CASP8: variants seen among roughly 807,000 people sequenced by gnomAD.
CASP8 encodes caspase-8.
A neutral mutation model predicts 46.3 loss-of-function variants in CASP8; 24 were observed. That is an observed-to-expected ratio of 0.52 (90% CI 0.38 to 0.73). The LOEUF (loss-of-function observed/expected upper bound fraction) is 0.73, where lower values mean the gene tolerates loss of function less well. Ranked by LOEUF, CASP8 falls within the 30% of genes least tolerant of loss-of-function variation. The pLI, the probability that CASP8 is intolerant of heterozygous loss-of-function variation, is 0.00. For missense variants in CASP8, 460 were observed against 559.0 expected (o/e 0.82, Z 1.79); for synonymous variants, 188 against 200.4 (o/e 0.94, Z 0.52).
At chr2:201,249,967 A>C (rs1010518648) in intron 2 of CASP8, among the ~76,000 whole-genome samples, 1 of 152,224 alleles carries the variant, frequency 6.6e-6, no homozygotes, top group Non-Finnish European at 1.5e-5. Context: ...AAAGTGCATA[A>C]ACATATTTAA....
chr2:201,251,860 T>A (rs7589037), intron 2 of CASP8, among the ~76,000 whole-genome samples: 1 of 151,506 alleles, frequency 6.6e-6, no homozygotes, highest in African/African-American at 2.4e-5. Flanking sequence ...AAGATCACAC[T>A]TGCCGTTGCA....
At chr2:201,256,802 C>G (rs1443771916), upstream of CASP8, among the ~76,000 whole-genome samples, 4 of 152,132 alleles carry the variant, frequency 2.6e-5, no homozygotes, top group African/African-American at 9.7e-5. Context: ...TGCTGGTGTT[C>G]TGGTTATAAA....
At chr2:201,263,080 A>G (rs930239159) in intron 1 of CASP8, among the ~76,000 whole-genome samples, 8 of 152,190 alleles carry the variant, frequency 5.3e-5, no homozygotes, top group African/African-American at 1.9e-4. Flanking sequence ...TGAGATGGCT[A>G]TGGAGGACGG....
At chr2:201,249,792 C>T (rs1290262716) in intron 2 of CASP8, among the ~76,000 whole-genome samples, 1 of 152,156 alleles carries the variant, frequency 6.6e-6, no homozygotes, top group Non-Finnish European at 1.5e-5. Flanking sequence ...CTACACTTCT[C>T]CCCTCCCCAC....
rs576208049 is a variant in CASP8 at position 201,277,214 on chromosome 2, C to T, written c.802+246C>T. On this transcript the variant is annotated intron_variant, in intron 7 of 8. Transcript: ENST00000673742. ...TAAAATATCAAATCTTACTAAAAGA[C>T]ATAATGAAAAGCAGTAATAAGCTTT... 2.1e-5 allele frequency: 7 copies of T among 331,244 alleles called. No homozygotes were observed. In the East Asian group the frequency reaches 2.5e-4, roughly 12 times the overall value. The allele number at this position is 331,244 out of a possible 1,614,324, so 20.5% of individuals were successfully genotyped here. A position where few individuals can be genotyped will look rare whatever the true frequency, so the allele number is the denominator to read the frequency against.
At chr2:201,264,931 C>T (rs572989153) in intron 1 of CASP8, among the ~76,000 whole-genome samples, 4 of 152,242 alleles carry the variant, frequency 2.6e-5, no homozygotes, top group Non-Finnish European at 4.4e-5. Context: ...AGGGTGACGC[C>T]GGTAGGGCTG....
chr2:201,258,356 C>T (rs766359794), upstream of CASP8: 6 of 1,613,876 alleles, frequency 3.7e-6, no homozygotes, highest in Middle Eastern at 6.6e-4. Flanking sequence ...TCGGAGACTG[C>T]GATGGTGCCA....
Position 201,260,586 on chromosome 2 carries a change from A to T in CASP8, c.-54A>T. The T allele has an allele frequency of 2.0e-6, 2 of 984,346 alleles. No homozygotes were observed. Among genetic ancestry groups the T allele is most frequent in the Non-Finnish European group, 2.4e-6 (2 of 828,962 alleles). 61.0% of individuals were successfully genotyped at this position (984,346 alleles called of 1,614,324 possible). A position where few individuals can be genotyped will look rare whatever the true frequency, so the allele number is the denominator to read the frequency against. On this transcript the variant is annotated 5_prime_UTR_variant, in exon 1 of 9. Coordinates refer to ENST00000673742, the MANE Select transcript of CASP8 (RefSeq NM_001372051.1). The stretch of plus-strand genomic sequence containing the variant: ...TCAGATGGTAGTGGATAGGCCTGTG[A>T]CGAAGGTGCTACCATCGTGAGAGTA...
intron 2 of CASP8, among the ~76,000 whole-genome samples, chr2:201,243,631 C>A (rs928226308): frequency 1.3e-5 from 2 of 152,126 alleles, no homozygotes; most frequent in African/African-American, 2.4e-5. Flanking sequence ...ATGCCCAAAT[C>A]AAAAATCATA....
chr2:201,282,181 A>T (rs1410069331), intron 7 of CASP8, among the ~76,000 whole-genome samples: 7 of 51,462 alleles, frequency 1.4e-4, no homozygotes, highest in Non-Finnish European at 2.2e-4. Flanking sequence ...AACAAAGCAC[A>T]TCTTGCACCG....
At chr2:201,239,805 C>T (rs187438399) in intron 2 of CASP8, among the ~76,000 whole-genome samples, 2 of 152,308 alleles carry the variant, frequency 1.3e-5, no homozygotes, top group African/African-American at 2.4e-5. Flanking sequence ...TCACACTGCA[C>T]CGTAATTATG....
At position 201,287,066 on chromosome 2, in the gene CASP8, G is replaced by C. The variant is rs1407383756; in HGVS notation, c.*472G>C. On this transcript the variant is annotated 3_prime_UTR_variant, in exon 9 of 9. Transcript: ENST00000673742. ...CTGTCTCCTTTCTCTTATGCTTAAGGCTTTGGGAATGTTTTTAGCTGGTGG... is the reference window on the plus strand; with the variant it reads ...CTGTCTCCTTTCTCTTATGCTTAAGCCTTTGGGAATGTTTTTAGCTGGTGG... 5.5e-6 allele frequency: 1 copy of C among 182,956 alleles called. No individual in the cohort carries two copies. The highest frequency in any genetic ancestry group is 1.5e-4 in the East Asian group (1 of 6,814). The allele number at this position is 182,956 out of a possible 1,614,324, so 11.3% of individuals were successfully genotyped here.
chr2:201,271,768 A>G (rs1948264030), intron 3 of CASP8, 147 bp downstream of exon 3: 2 of 697,614 alleles, frequency 2.9e-6, no homozygotes, highest in Non-Finnish European at 5.3e-6. Context: ...CACGAGTGTT[A>G]CAGATGTGAT....
At chr2:201,258,029 T>TC (rs1455073255), upstream of CASP8, 5 of 599,972 alleles carry the variant, frequency 8.3e-6, no homozygotes, top group African/African-American at 9.3e-5. Context: ...CATTTCTTGT[T>TC]CGAGTGAGTC....
At chr2:201,251,711 C>G (rs538560045) in intron 2 of CASP8, among the ~76,000 whole-genome samples, 163 of 151,660 alleles carry the variant, frequency 1.1e-3, no homozygotes, top group African/African-American at 3.8e-3. Context: ...AACACCAGCC[C>G]GACCAACATG....
At chr2:201,234,009 C>T (rs1178637103) in intron 1 of CASP8, 4 of 152,366 alleles carry the variant, frequency 2.6e-5, no homozygotes, top group Admixed American at 1.3e-4. Context: ...TCTCTCCTTC[C>T]TTCCAGGAGC....
chr2:201,280,027 G>A (rs1311724842), intron 7 of CASP8, among the ~76,000 whole-genome samples: 2 of 151,336 alleles, frequency 1.3e-5, no homozygotes, highest in African/African-American at 4.9e-5. Context: ...GAATATGAAT[G>A]AAAAAAAGAT....
chr2:201,277,895 T>G (rs1252896485), intron 7 of CASP8: 5 of 248,832 alleles, frequency 2.0e-5, no homozygotes, highest in Non-Finnish European at 4.0e-5. Context: ...GAGATGGGGT[T>G]TTGCCATATT....
At chr2:201,271,247 A>G (rs1022203942) in intron 2 of CASP8, among the ~76,000 whole-genome samples, 4 of 152,220 alleles carry the variant, frequency 2.6e-5, no homozygotes, top group African/African-American at 9.6e-5. Flanking sequence ...AGAAAAAAAA[A>G]AAGGAAAACA....
Sources: allele counts gnomAD v4.1 joint callset (sites outside exome capture counted in the v4.1 genomes callset), GRCh38; gene constraint gnomAD v4.1.1; transcripts MANE v1.5; gene names NCBI Gene and HGNC (gene_info 2026-07-23, HGNC 2026-07-21).